The following FOXP2 variants were observed in gnomAD, a reference collection of about 807,000 sequenced individuals.
FOXP2 encodes forkhead box P2.
In FOXP2, 12 loss-of-function variants were observed where a neutral mutation model predicts 115.8. That is an observed-to-expected ratio of 0.10 (90% CI 0.07 to 0.17). The LOEUF is 0.17. Ranked by LOEUF, FOXP2 falls within the 10% of genes least tolerant of loss-of-function variation. The pLI is 1.00. For synonymous variants in FOXP2, 328 were observed against 297.7 expected (o/e 1.10, Z -1.05); for missense variants, 629 against 843.5 (o/e 0.75, Z 3.15).
At chr7:114,151,586 A>G (rs1412942949) in intron 1 of FOXP2, among the ~76,000 whole-genome samples, 1 of 152,030 alleles carries the variant, frequency 6.6e-6, no homozygotes, top group Non-Finnish European at 1.5e-5. Flanking sequence ...TCTTTGTTCA[A>G]TCATATGGTG....
intron 13 of FOXP2, 105 bp from the exon 14 acceptor site, chr7:114,661,960 A>C: frequency 7.1e-7 from 1 of 1,408,708 alleles, no homozygotes; most frequent in Admixed American, 1.9e-5. Flanking sequence ...TAAACATGTT[A>C]AGATTTTTCA....
At chr7:114,145,437 T>TCTTTTCTTTTCA (rs1792339915) in intron 1 of FOXP2, among the ~76,000 whole-genome samples, 1 of 7,694 alleles carries the variant, frequency 1.3e-4, no homozygotes, top group Non-Finnish European at 4.6e-4. Context: ...CCATTTTTTC[T>TCTTTTCTTTTCA]TTTCTTTTCT....
intron 2 of FOXP2, among the ~76,000 whole-genome samples, chr7:114,344,474 C>T (rs553978911): frequency 1.4e-4 from 21 of 151,896 alleles, no homozygotes; most frequent in East Asian, 5.8e-4. Context: ...TCATCTGAGA[C>T]GTTTCCACAT....
At chr7:114,204,666 C>A (rs770576214) in intron 1 of FOXP2, among the ~76,000 whole-genome samples, 3 of 152,122 alleles carry the variant, frequency 2.0e-5, no homozygotes, top group East Asian at 1.9e-4. Flanking sequence ...AATATTCTTG[C>A]CTATCAAAAT....
intron 2 of FOXP2, among the ~76,000 whole-genome samples, chr7:114,436,740 A>T (rs1413574009): frequency 2.6e-5 from 4 of 151,926 alleles, no homozygotes; most frequent in Non-Finnish European, 5.9e-5. Flanking sequence ...AGGATATATA[A>T]ACGTTACTTT....
chr7:114,445,050 C>CTTTTT (rs965437465), intron 2 of FOXP2, among the ~76,000 whole-genome samples: 1 of 148,310 alleles, frequency 6.7e-6, no homozygotes, highest in Non-Finnish European at 1.5e-5. Context: ...GAGCCAGTGG[C>CTTTTT]TTTTTTTTTT....
At chr7:114,685,579 C>T (rs1030784264) in intron 16 of FOXP2, among the ~76,000 whole-genome samples, 4 of 152,050 alleles carry the variant, frequency 2.6e-5, no homozygotes, top group African/African-American at 4.8e-5. Flanking sequence ...ATGGCCACTT[C>T]GAGTAGTCTC....
chr7:114,158,803 A>G (rs1054287612), upstream of FOXP2, among the ~76,000 whole-genome samples: 1 of 152,080 alleles, frequency 6.6e-6, no homozygotes, highest in African/African-American at 2.4e-5. Flanking sequence ...AGTCTGTTTT[A>G]TGTTGCCTTG....
chr7:114,110,797 T>A (rs1335361718), intron 1 of FOXP2, among the ~76,000 whole-genome samples: 3 of 152,148 alleles, frequency 2.0e-5, no homozygotes, highest in Non-Finnish European at 4.4e-5. Flanking sequence ...TTTAAAAGCT[T>A]TTGCATTTAA....
chr7:114,133,665 G>A (rs1056498529), intron 1 of FOXP2, among the ~76,000 whole-genome samples: 6 of 152,208 alleles, frequency 3.9e-5, no homozygotes, highest in Non-Finnish European at 5.9e-5. Context: ...GGAAGTGTTT[G>A]TGTTATTGGG....
At chr7:114,614,248 C>A (rs1262114059) in intron 3 of FOXP2, among the ~76,000 whole-genome samples, 2 of 152,162 alleles carry the variant, frequency 1.3e-5, no homozygotes, top group African/African-American at 4.8e-5. Context: ...TCTGACCCTT[C>A]CCAATCTGAT....
intron 1 of FOXP2, among the ~76,000 whole-genome samples, chr7:114,267,882 A>C (rs560870895): frequency 2.0e-5 from 3 of 151,882 alleles, no homozygotes; most frequent in Non-Finnish European, 4.4e-5. Flanking sequence ...TGCAACTGTC[A>C]CAACCATGTA....
intron 1 of FOXP2, among the ~76,000 whole-genome samples, chr7:114,143,903 A>G (rs558069786): frequency 6.6e-6 from 1 of 152,108 alleles, no homozygotes; most frequent in South Asian, 2.1e-4. Flanking sequence ...TTTCAACTTC[A>G]TGATGGTATG....
intron 3 of FOXP2, among the ~76,000 whole-genome samples, chr7:114,589,707 C>T (rs1478388252): frequency 2.0e-5 from 3 of 152,102 alleles, no homozygotes; most frequent in Admixed American, 2.0e-4. Context: ...ACCAGCCTGC[C>T]CATTCTCAAT....
At chr7:114,390,576 C>A (rs1192961466) in intron 2 of FOXP2, among the ~76,000 whole-genome samples, 1 of 146,478 alleles carries the variant, frequency 6.8e-6, no homozygotes, top group Non-Finnish European at 1.5e-5. Flanking sequence ...TTATTTGAGA[C>A]AGGGTCTTAC....
At chr7:114,628,495 T>C (rs776117753) in intron 3 of FOXP2, 45 bp from the exon 4 acceptor site, 4 of 1,612,432 alleles carry the variant, frequency 2.5e-6, no homozygotes, top group South Asian at 2.2e-5. Flanking sequence ...AACAGATATT[T>C]GGTTATGACC....
intron 1 of FOXP2, among the ~76,000 whole-genome samples, chr7:114,267,563 C>T (rs1186744995): frequency 2.6e-5 from 4 of 151,374 alleles, no homozygotes; most frequent in African/African-American, 9.7e-5. Context: ...CCTGCCTCTA[C>T]TAAAAGTACA....
At chr7:114,268,695 C>T (rs1173389630) in intron 1 of FOXP2, among the ~76,000 whole-genome samples, 1 of 129,054 alleles carries the variant, frequency 7.7e-6, no homozygotes, top group African/African-American at 3.3e-5. Context: ...AGTCTATACT[C>T]CCCACTGTGT....
chr7:114,491,212 A>G (rs1286203247), intron 2 of FOXP2, among the ~76,000 whole-genome samples: 2 of 152,122 alleles, frequency 1.3e-5, no homozygotes, highest in African/African-American at 4.8e-5. Flanking sequence ...CTGGTGTGAG[A>G]TGGTATCTCA....
Sources: allele counts gnomAD v4.1 joint callset (sites outside exome capture counted in the v4.1 genomes callset), GRCh38; gene constraint gnomAD v4.1.1; transcripts MANE v1.5; gene names NCBI Gene and HGNC (gene_info 2026-07-23, HGNC 2026-07-21).